The following PCDHGC3 variants were observed in gnomAD, a reference collection of about 807,000 sequenced individuals.
The protein encoded by PCDHGC3 is protocadherin gamma subfamily C, 3.
In PCDHGC3, 26 loss-of-function variants were observed where a neutral mutation model predicts 59.2. That is an observed-to-expected ratio of 0.44 (90% CI 0.32 to 0.61). The LOEUF is 0.61. Ranked by LOEUF, PCDHGC3 falls within the 20% of genes least tolerant of loss-of-function variation. The pLI is 0.05. For missense variants in PCDHGC3, 1,080 were observed against 1,221.8 expected (o/e 0.88, Z 1.73); for synonymous variants, 487 against 519.7 (o/e 0.94, Z 0.86).
chr5:141,507,613 T>G (rs1003099044), intron 3 of PCDHGC3, among the ~76,000 whole-genome samples: 1 of 152,248 alleles, frequency 6.6e-6, no homozygotes, highest in African/African-American at 2.4e-5. Context: ...ACAGGTATAT[T>G]TAGCTGTTGT....
At chr5:141,502,139 C>G (rs923501238) in intron 2 of PCDHGC3, among the ~76,000 whole-genome samples, 1 of 152,104 alleles carries the variant, frequency 6.6e-6, no homozygotes, top group Non-Finnish European at 1.5e-5. Flanking sequence ...TCAGTCGGGC[C>G]GGAAGTAAGG....
rs77983663 is a variant in PCDHGC3, at chr5:141,504,853, C to T, written c.2490-540C>T. 2.8e-4 allele frequency among the ~76,000 whole-genome samples: 42 copies of T among 152,214 alleles called. No homozygotes were observed. In the East Asian group the frequency reaches 7.7e-3, roughly 28 times the overall value. On this transcript the variant is annotated intron_variant, in intron 2 of 3. Transcript: ENST00000308177. ...TTCTCTAGCTCTGGAACATTCTCTT[C>T]CATTTCCCACCTTCACAGTCCTCTG... is the stretch of plus-strand genomic sequence containing the variant.
chr5:141,487,109 G>A lies in PCDHGC3; in HGVS notation c.2431-7698G>A. 2 of 1,614,122 alleles carry A rather than the reference G, an allele frequency of 1.2e-6. No homozygotes were observed. Among genetic ancestry groups the A allele is most frequent in the Non-Finnish European group, 1.7e-6 (2 of 1,180,004 alleles). ...CCTCCCACCACAGAAGCTGGTCATTGTGGTAAAGGATAGTGGTAGTCCACC... is the reference window on the plus strand; with the variant it reads ...CCTCCCACCACAGAAGCTGGTCATTATGGTAAAGGATAGTGGTAGTCCACC... On this transcript the variant is annotated intron_variant, in intron 1 of 3. Transcript: ENST00000308177. This position sits in a 1 kb window ranked among gnomAD's most constrained non-coding sequence, Gnocchi z 5.0.
chr5:141,490,243 G>A lies in PCDHGC3; in HGVS notation c.2431-4564G>A, dbSNP rs1431165990. 1 of 1,614,238 alleles carries A rather than the reference G, an allele frequency of 6.2e-7. No individual in the cohort carries two copies. The highest frequency in any genetic ancestry group is 8.5e-7 in the Non-Finnish European group (1 of 1,180,038). The stretch of plus-strand genomic sequence containing the variant: ...ACAGCCTGCCATGGAGGGCCACTGT[G>A]TGATTCAAGTGGATGTGGGGGATGT... On this transcript the variant is annotated intron_variant, in intron 1 of 3. Coordinates refer to ENST00000308177, the MANE Select transcript of PCDHGC3 (RefSeq NM_002588.4). This position sits in a 1 kb window ranked among gnomAD's most constrained non-coding sequence, Gnocchi z 5.4.
chr5:141,505,591 G>C (rs2099846959), intron 3 of PCDHGC3, 110 bp downstream of exon 3: 2 of 1,570,280 alleles, frequency 1.3e-6, no homozygotes, highest in African/African-American at 2.7e-5. Flanking sequence ...AGTTTCTCCA[G>C]ATCTTTCGGC....
chr5:141,486,029 C>G lies in PCDHGC3; in HGVS notation c.2430+7483C>G. Reference sequence around the variant, plus strand: ...CACCTTTTATTTCAGTGGTCATACCCCTGATCGTGTAAGAAACCTCTTTAG... The same window carrying G: ...CACCTTTTATTTCAGTGGTCATACCGCTGATCGTGTAAGAAACCTCTTTAG... On this transcript the variant is annotated intron_variant, in intron 1 of 3. Transcript: ENST00000308177. The surrounding 1 kb of genome is among the most constrained non-coding windows in gnomAD (Gnocchi z 5.0). 6.2e-7 allele frequency: 1 copy of G among 1,614,016 alleles called. No homozygotes were observed. Among genetic ancestry groups the G allele is most frequent in the Non-Finnish European group, 8.5e-7 (1 of 1,179,900 alleles).
Position 141,490,148 on chromosome 5 carries a change from A to T in PCDHGC3, c.2431-4659A>T. On this transcript the variant is annotated intron_variant, in intron 1 of 3. Transcript: ENST00000308177. This position sits in a 1 kb window ranked among gnomAD's most constrained non-coding sequence, Gnocchi z 5.4. The stretch of plus-strand genomic sequence containing the variant: ...CTAGACCCTAGCAGTGGGGCAATCC[A>T]TGTGTTGGGTCCCATAGACTTTGAG... The T allele has an allele frequency of 6.2e-7, 1 of 1,614,232 alleles. No homozygotes were observed. The highest frequency in any genetic ancestry group is 1.3e-5 in the African/African-American group (1 of 75,068).
intron 3 of PCDHGC3, among the ~76,000 whole-genome samples, chr5:141,506,598 G>A (rs1056005258): frequency 6.6e-6 from 1 of 152,130 alleles, no homozygotes; most frequent in Non-Finnish European, 1.5e-5. Context: ...CAGTATTAAC[G>A]GATCTCATTG....
intron 1 of PCDHGC3, 166 bp downstream of exon 1, chr5:141,478,712 G>A (rs1160573848): frequency 3.2e-6 from 5 of 1,547,048 alleles, no homozygotes; most frequent in Non-Finnish European, 4.4e-6. Flanking sequence ...TTTGTGAGAT[G>A]GTGGCCTGCC....
At chr5:141,500,190 TTA>T (rs551092091) in intron 2 of PCDHGC3, among the ~76,000 whole-genome samples, 3 of 110,960 alleles carry the variant, frequency 2.7e-5, no homozygotes, top group Non-Finnish European at 3.9e-5. Context: ...TTATTTTTAT[TTA>T]TTTATTTATT....
Position 141,511,151 on chromosome 5 carries a change from C to G in PCDHGC3, c.2783C>G (p.Ser928Trp). The change falls in exon 4 of 4, where the codon TCG becomes TGG. Residue 928 changes from serine (S) to tryptophan (W), a missense_variant. Transcript: ENST00000308177. ...PAGGNGNKKK[S>W]GKKEKK ...GGTGGCAATGGCAACAAGAAGAAGTCGGGCAAGAAGGAGAAGAAGTAACAT... is the reference window on the plus strand; with the variant it reads ...GGTGGCAATGGCAACAAGAAGAAGTGGGGCAAGAAGGAGAAGAAGTAACAT... The G allele has an allele frequency of 6.2e-7, 1 of 1,614,152 alleles. No individual in the cohort carries two copies. Among genetic ancestry groups the G allele is most frequent in the Non-Finnish European group, 8.5e-7 (1 of 1,179,994 alleles).
chr5:141,483,903 G>C (rs1167942546), intron 1 of PCDHGC3, among the ~76,000 whole-genome samples: 1 of 151,282 alleles, frequency 6.6e-6, no homozygotes, highest in Admixed American at 6.6e-5. Context: ...GCTCTGGTGT[G>C]TTTCCCACTC....
Position 141,477,413 on chromosome 5 carries a change from G to A in PCDHGC3, c.1297G>A (p.Gly433Arg). ...CCTCAGCATCACCGCCCGAGACGCC[G>A]GAACCCCTTCCCTCTCAGCCCTTAC... ...YNLSITARDA[G>R]TPSLSALTIV... The change falls in exon 1 of 4, where the codon GGA (glycine) becomes AGA (arginine). Residue 433 changes from glycine (G) to arginine (R), a missense_variant. Transcript: ENST00000308177. This position sits in a 1 kb window ranked among gnomAD's most constrained non-coding sequence, Gnocchi z 4.9. 1 of 1,614,080 alleles carries A rather than the reference G, an allele frequency of 6.2e-7. No individual in the cohort carries two copies. Among genetic ancestry groups the A allele is most frequent in the Non-Finnish European group, 8.5e-7 (1 of 1,180,026 alleles).
At chr5:141,478,766 T>C in intron 1 of PCDHGC3, 2 of 1,505,456 alleles carry the variant, frequency 1.3e-6, no homozygotes, top group Non-Finnish European at 1.8e-6. Flanking sequence ...GATACTTGAC[T>C]CATCTGTGGA....
chr5:141,505,283 G>A, intron 2 of PCDHGC3, 110 bp from the exon 3 acceptor site: 5 of 1,547,446 alleles, frequency 3.2e-6, no homozygotes, highest in Non-Finnish European at 3.5e-6. Flanking sequence ...ACAGGTCTTG[G>A]GCATGGGGTA....
At position 141,511,355 on chromosome 5, in the gene PCDHGC3, G is replaced by A; in HGVS notation, c.*182G>A. On this transcript the variant is annotated 3_prime_UTR_variant, in exon 4 of 4. Coordinates refer to ENST00000308177, the MANE Select transcript of PCDHGC3 (RefSeq NM_002588.4). ...TCAGCACCTACCCCTTCCCCCCCAG[G>A]GGGTTGAATATGCAAAAGCAGTTCC... 4 of 1,379,256 alleles carry A rather than the reference G, an allele frequency of 2.9e-6. No individual in the cohort carries two copies. The highest frequency in any genetic ancestry group is 3.9e-6 in the Non-Finnish European group (4 of 1,035,886). 85.4% of individuals were successfully genotyped at this position (1,379,256 alleles called of 1,614,324 possible).
In PCDHGC3 at chr5:141,475,997, G is replaced by A; in HGVS notation, c.-120G>A. On this transcript the variant is annotated 5_prime_UTR_variant, in exon 1 of 4. Coordinates refer to ENST00000308177, the MANE Select transcript of PCDHGC3 (RefSeq NM_002588.4). ...TGAACAGCCGGCGAGCAAATCAACG[G>A]CATCCAGAAAGCCATGTCGGACTCG... 1.7e-6 allele frequency: 2 copies of A among 1,184,406 alleles called. No homozygotes were observed. Among genetic ancestry groups the A allele is most frequent in the East Asian group, 2.4e-5 (1 of 42,448 alleles). 73.4% of individuals were successfully genotyped at this position (1,184,406 alleles called of 1,614,324 possible).
At chr5:141,478,845 A>G in intron 1 of PCDHGC3, 2 of 1,389,784 alleles carry the variant, frequency 1.4e-6, no homozygotes, top group Non-Finnish European at 9.5e-7. Flanking sequence ...TGGTTAAGCT[A>G]AAACACAAGA....
Position 141,512,836 on chromosome 5 carries a change from T to G in PCDHGC3, c.*1663T>G, listed in dbSNP as rs1024777792. On this transcript the variant is annotated 3_prime_UTR_variant, in exon 4 of 4. Transcript: ENST00000308177. ...GGCGACCCCCTCCCCCGTACTGACTTCTCCTATAAGCGCTTCTCTTCGCAT... is the reference window on the plus strand; with the variant it reads ...GGCGACCCCCTCCCCCGTACTGACTGCTCCTATAAGCGCTTCTCTTCGCAT... 2 of 152,222 alleles carry G rather than the reference T, an allele frequency of 1.3e-5. No homozygotes were observed. Among genetic ancestry groups the G allele is most frequent in the African/African-American group, 4.8e-5 (2 of 41,412 alleles). The allele number at this position is 152,222 out of a possible 1,614,324, so 9.4% of individuals were successfully genotyped here. A position where few individuals can be genotyped will look rare whatever the true frequency, so the allele number is the denominator to read the frequency against.
Sources: allele counts gnomAD v4.1 joint callset (sites outside exome capture counted in the v4.1 genomes callset), GRCh38; gene constraint gnomAD v4.1.1; non-coding constraint Gnocchi (gnomAD v3.1); transcripts MANE v1.5; gene names NCBI Gene and HGNC (gene_info 2026-07-23, HGNC 2026-07-21).